Variants in ZFYVE26 observed in about 807,000 individuals in gnomAD.
ZFYVE26 encodes zinc finger FYVE domain-containing protein 26.
A neutral mutation model predicts 276.5 loss-of-function variants in ZFYVE26; 181 were observed. That is an observed-to-expected ratio of 0.65 (90% CI 0.58 to 0.74). The LOEUF (loss-of-function observed/expected upper bound fraction) is 0.74. Among genes scored for constraint, ZFYVE26 ranks in the 30% least tolerant of loss-of-function variants. ZFYVE26 has a pLI of 0.00. For missense variants in ZFYVE26, 2,821 were observed against 3,097.9 expected, an observed-to-expected ratio of 0.91 and a Z score of 2.12; for synonymous variants, 1,129 against 1,203.1, an observed-to-expected ratio of 0.94 and a Z score of 1.27.
At chr14:67,754,337 G>T in intron 37 of ZFYVE26, 125 bp from the exon 38 acceptor site, 1 of 1,306,798 alleles carries the variant, frequency 7.7e-7, no homozygotes, top group Non-Finnish European at 1.1e-6. Flanking sequence ...TGGGAAAAGA[G>T]ACCTCAAGTA....
chr14:67,768,825 C>A (rs58193384), intron 29 of ZFYVE26, among the ~76,000 whole-genome samples: 1 of 151,990 alleles, frequency 6.6e-6, no homozygotes, highest in Non-Finnish European at 1.5e-5. Flanking sequence ...CCTTCCTATG[C>A]GATCAGTAAT....
At chr14:67,784,967 T>C in intron 19 of ZFYVE26, 92 bp downstream of exon 19, 1 of 1,330,436 alleles carries the variant, frequency 7.5e-7, no homozygotes, top group South Asian at 1.2e-5. Flanking sequence ...TACTGCTGTA[T>C]CCAGAGCCTT....
chr14:67,808,718 T>C (rs939957076), intron 4 of ZFYVE26, among the ~76,000 whole-genome samples: 18 of 152,040 alleles, frequency 1.2e-4, no homozygotes, highest in African/African-American at 4.3e-4. Flanking sequence ...TAAATCCTAC[T>C]GTAAATATGT....
In ZFYVE26 at chr14:67,790,715, T is replaced by C; in HGVS notation, c.2612A>G (p.Glu871Gly). 6.2e-7 allele frequency: 1 copy of C among 1,614,194 alleles called. No individual in the cohort carries two copies. The highest frequency in any genetic ancestry group is 8.5e-7 in the Non-Finnish European group (1 of 1,180,026). Reference protein sequence around the residue: ...SPSSGELMFMERYQEVIQELA... With the variant: ...SPSSGELMFMGRYQEVIQELA... Reference sequence around the variant, plus strand: ...TTCTTGGATCACTTCCTGGTAGCGCTCCATGAACATCAGTTCCCCTGAACT... The same window carrying C: ...TTCTTGGATCACTTCCTGGTAGCGCCCCATGAACATCAGTTCCCCTGAACT... Residue 871 changes from glutamate (E) to glycine (G), a missense_variant, in exon 15 of 42, where the codon GAG (glutamate) becomes GGG (glycine). By Grantham distance (98) the Glu-to-Gly change is moderately conservative. Coordinates refer to ENST00000347230, the MANE Select transcript of ZFYVE26 (RefSeq NM_015346.4).
chr14:67,816,170 C>G (rs1017028472), intron 1 of ZFYVE26, 124 bp from the exon 2 acceptor site: 1 of 549,278 alleles, frequency 1.8e-6, no homozygotes, highest in African/African-American at 1.9e-5. Context: ...AGTTTAATTT[C>G]CCACGTTACT....
chr14:67,776,008 C>T lies in ZFYVE26; in HGVS notation c.5073G>A (p.Val1691=), dbSNP rs2140212459. Residue 1691 remains valine, a synonymous_variant, in exon 26 of 42, where the codon GTG becomes GTA. Transcript: ENST00000347230. ...TCTGCACAGCCACAGTGGCCCAATC[C>T]ACCTTCATGTTCATAAGCAGCTGCT... ...MLEQLLMNMK[V]DWATVAVQTL... 2 of 1,614,228 alleles carry T rather than the reference C, an allele frequency of 1.2e-6. No homozygotes were observed. Among genetic ancestry groups the T allele is most frequent in the Non-Finnish European group, 1.7e-6 (2 of 1,180,048 alleles).
At chr14:67,752,317 A>G in intron 40 of ZFYVE26, 27 bp downstream of exon 40, 12 of 1,597,746 alleles carry the variant, frequency 7.5e-6, no homozygotes, top group Non-Finnish European at 1.0e-5. Flanking sequence ...TTGATGGAGG[A>G]GCCAAGAGGT....
At position 67,766,397 on chromosome 14, in the gene ZFYVE26, G is replaced by A. The variant is rs1460005253; in HGVS notation, c.5841C>T (p.Ser1947=). 1 of 1,612,606 alleles carries A rather than the reference G, an allele frequency of 6.2e-7. No individual in the cohort carries two copies. The highest frequency in any genetic ancestry group is 1.1e-5 in the South Asian group (1 of 90,996). ...CIAILNLHRD[S]IACGHQLIEH... is the part of the protein sequence containing the mutation. Reference sequence around the variant, plus strand: ...CAATCAGCTGGTGACCACAGGCAATGCTGTCCCGGTGCAGATTCAGGATGG... The same window carrying A: ...CAATCAGCTGGTGACCACAGGCAATACTGTCCCGGTGCAGATTCAGGATGG... The change falls in exon 32 of 42, where the codon AGC becomes AGT. Residue 1947 remains serine, a synonymous_variant. Transcript: ENST00000347230.
Position 67,748,638 on chromosome 14 carries a change from A to C in ZFYVE26, c.7418T>G (p.Val2473Gly). 1 of 1,613,926 alleles carries C rather than the reference A, an allele frequency of 6.2e-7. No individual in the cohort carries two copies. The highest frequency in any genetic ancestry group is 8.5e-7 in the Non-Finnish European group (1 of 1,180,034). ...IQAIHNDDNK[V>G]RAYLICCKLR... is the part of the protein sequence containing the mutation. ...TTTGCAACATATCAGGTAGGCCCGAACCTGGCAGTCAGTTATAAGAGACAG... is the reference window on the plus strand; with the variant it reads ...TTTGCAACATATCAGGTAGGCCCGACCCTGGCAGTCAGTTATAAGAGACAG... The change falls in exon 42 of 42, where the codon GTT becomes GGT. Residue 2473 changes from valine to glycine, a missense_variant and splice_region_variant. Coordinates refer to ENST00000347230, the MANE Select transcript of ZFYVE26 (RefSeq NM_015346.4).
intron 4 of ZFYVE26, among the ~76,000 whole-genome samples, chr14:67,808,425 A>T (rs1034070479): frequency 6.6e-6 from 1 of 152,162 alleles, no homozygotes; most frequent in African/African-American, 2.4e-5. Context: ...CCTCCAACCC[A>T]TACAACTTCA....
chr14:67,803,344 GTCT>G (rs747336757), intron 9 of ZFYVE26, among the ~76,000 whole-genome samples: 17 of 152,198 alleles, frequency 1.1e-4, no homozygotes, highest in African/African-American at 1.7e-4. Context: ...TTTCAGACAA[GTCT>G]TCTTCTTTTT....
At position 67,766,404 on chromosome 14, in the gene ZFYVE26, C is replaced by T. The variant is rs200595749; in HGVS notation, c.5834G>A (p.Arg1945Gln). Residue 1945 changes from arginine (R) to glutamine (Q), a missense_variant, in exon 32 of 42, where the codon CGG becomes CAG. By Grantham distance (43) the Arg-to-Gln change is conservative. Coordinates refer to ENST00000347230, the MANE Select transcript of ZFYVE26 (RefSeq NM_015346.4). ...SLCIAILNLH[R>Q]DSIACGHQLI... is the part of the protein sequence containing the mutation. ...CTGGTGACCACAGGCAATGCTGTCCCGGTGCAGATTCAGGATGGCAATGCA... is the reference window on the plus strand; with the variant it reads ...CTGGTGACCACAGGCAATGCTGTCCTGGTGCAGATTCAGGATGGCAATGCA... 84 of 1,612,334 alleles carry T rather than the reference C, an allele frequency of 5.2e-5. No homozygotes were observed. The highest frequency in any genetic ancestry group is 2.1e-4 in the Middle Eastern group (1 of 4,708).
chr14:67,761,657 CAAAG>C, intron 34 of ZFYVE26, 73 bp from the exon 35 acceptor site: 1 of 1,363,194 alleles, frequency 7.3e-7, no homozygotes, highest in Non-Finnish European at 1.0e-6. Context: ...ATATTGCTTG[CAAAG>C]AATATTTAAC....
chr14:67,753,900 G>T, intron 38 of ZFYVE26, 134 bp from the exon 39 acceptor site: 2 of 1,476,918 alleles, frequency 1.4e-6, no homozygotes. Flanking sequence ...CAGGCACTAG[G>T]GATATAAGAA....
At chr14:67,737,168 A>G (rs533221226) in intron 13 of ZFYVE26, among the ~76,000 whole-genome samples, 3 of 148,018 alleles carry the variant, frequency 2.0e-5, no homozygotes, top group South Asian at 2.1e-4. Context: ...GGCTCAAGCA[A>G]TCTTCCTGTC....
chr14:67,750,824 G>C (rs1159890099), intron 41 of ZFYVE26: 1 of 619,664 alleles, frequency 1.6e-6, no homozygotes, highest in Non-Finnish European at 2.9e-6. Flanking sequence ...TTTGTCTTGG[G>C]GATAAAGACT....
At chr14:67,785,778 C>T in intron 18 of ZFYVE26, 80 bp downstream of exon 18, 5 of 1,595,132 alleles carry the variant, frequency 3.1e-6, no homozygotes, top group Non-Finnish European at 4.3e-6. Flanking sequence ...CAAGCCTCTG[C>T]TCCAAAGTGC....
chr14:67,767,879 T>A, intron 30 of ZFYVE26, 39 bp from the exon 31 acceptor site: 1 of 1,613,954 alleles, frequency 6.2e-7, no homozygotes, highest in Non-Finnish European at 8.5e-7. Flanking sequence ...ATTCACTGGC[T>A]GGCAGTTCAG....
chr14:67,792,966 G>C (rs892392577), intron 14 of ZFYVE26, among the ~76,000 whole-genome samples: 50 of 128,728 alleles, frequency 3.9e-4, no homozygotes, highest in African/African-American at 1.4e-3. Context: ...TTTTTAACTA[G>C]ATAAAAACAT....
Sources: allele counts gnomAD v4.1 joint callset (sites outside exome capture counted in the v4.1 genomes callset), GRCh38; gene constraint gnomAD v4.1.1; transcripts MANE v1.5; gene names NCBI Gene and HGNC (gene_info 2026-07-23, HGNC 2026-07-21).